The following CFAP299 variants were observed in gnomAD, a reference collection of about 807,000 sequenced individuals.
CFAP299 encodes cilia and flagella associated protein 299, also known as cilia- and flagella-associated protein 299.
CFAP299 carries 21 observed loss-of-function variants against 27.0 expected under a neutral mutation model. The ratio of observed to expected loss-of-function variants is 0.78; its 90% CI spans 0.55 to 1.12. The LOEUF (loss-of-function observed/expected upper bound fraction) is 1.12, where lower values mean the gene tolerates loss of function less well. Ranked by LOEUF, CFAP299 falls within the 50% of genes most tolerant of loss-of-function variation. The pLI is 0.00. For synonymous variants in CFAP299, 104 were observed against 98.1 expected, an observed-to-expected ratio of 1.06 and a Z score of -0.36; for missense variants, 310 against 276.6, an observed-to-expected ratio of 1.12 and a Z score of -0.86.
intron 3 of CFAP299, among the ~76,000 whole-genome samples, chr4:80,744,227 T>C (rs999920735): frequency 7.9e-5 from 12 of 152,140 alleles, no homozygotes; most frequent in Non-Finnish European, 1.6e-4. Context: ...ATAATGAACT[T>C]AACAGATGTG....
chr4:80,527,190 G>A (rs1733235682), intron 2 of CFAP299, among the ~76,000 whole-genome samples: 1 of 152,034 alleles, frequency 6.6e-6, no homozygotes, highest in Admixed American at 6.6e-5. Context: ...GTGCTCCTCA[G>A]TACCAAAACA....
chr4:80,843,006 G>A (rs1730947945), intron 3 of CFAP299, among the ~76,000 whole-genome samples: 1 of 151,752 alleles, frequency 6.6e-6, no homozygotes, highest in South Asian at 2.1e-4. Context: ...ATGAAGGGTT[G>A]GGGCAACATC....
intron 3 of CFAP299, among the ~76,000 whole-genome samples, chr4:80,653,353 T>C (rs1740403022): frequency 6.6e-6 from 1 of 152,104 alleles, no homozygotes; most frequent in Non-Finnish European, 1.5e-5. Flanking sequence ...ATCCCTCTGT[T>C]GTAGTTTAGG....
At chr4:80,351,995 A>T (rs1405125448) in intron 1 of CFAP299, among the ~76,000 whole-genome samples, 1 of 151,714 alleles carries the variant, frequency 6.6e-6, no homozygotes, top group East Asian at 1.9e-4. Flanking sequence ...AAGCATAAAG[A>T]AAAGGAGATT....
intron 3 of CFAP299, among the ~76,000 whole-genome samples, chr4:80,715,812 C>G (rs1408192348): frequency 1.3e-5 from 2 of 151,884 alleles, no homozygotes. Context: ...ATTATCACCA[C>G]CATTTTATTG....
chr4:80,440,576 G>T (rs1043176428), intron 2 of CFAP299, among the ~76,000 whole-genome samples: 6 of 152,030 alleles, frequency 3.9e-5, no homozygotes, highest in Non-Finnish European at 5.9e-5. Flanking sequence ...ATCAACAGAA[G>T]ATTTAAAAAA....
chr4:80,609,416 TAGA>T (rs1490502640), intron 3 of CFAP299, among the ~76,000 whole-genome samples: 2 of 152,072 alleles, frequency 1.3e-5, no homozygotes, highest in Admixed American at 6.6e-5. Context: ...AGCTATTTGG[TAGA>T]AGAAGGATAT....
chr4:80,654,784 CTTT>C (rs369680550), intron 3 of CFAP299, among the ~76,000 whole-genome samples: 8 of 126,790 alleles, frequency 6.3e-5, no homozygotes, highest in Admixed American at 8.1e-5. Flanking sequence ...TAATTTTTAA[CTTT>C]TTTTTTTTTT....
chr4:80,857,706 A>G (rs1394223659), intron 3 of CFAP299, among the ~76,000 whole-genome samples: 1 of 152,192 alleles, frequency 6.6e-6, no homozygotes, highest in Non-Finnish European at 1.5e-5. Context: ...GCTGGATTAC[A>G]TTTATTGATT....
At chr4:80,956,171 T>C (rs1478641648) in intron 5 of CFAP299, among the ~76,000 whole-genome samples, 9 of 152,192 alleles carry the variant, frequency 5.9e-5, no homozygotes, top group Non-Finnish European at 1.0e-4. Flanking sequence ...ATTTCTAAAA[T>C]GGAACCTGCT....
intron 2 of CFAP299, among the ~76,000 whole-genome samples, chr4:80,429,435 C>T (rs563436789): frequency 1.3e-5 from 2 of 152,106 alleles, no homozygotes; most frequent in Admixed American, 1.3e-4. Flanking sequence ...AAATGTTTCT[C>T]CTTTAACTTC....
rs182743682 is a variant in CFAP299, at chr4:80,725,060, T to C, written c.333+141877T>C. On this transcript the variant is annotated intron_variant, in intron 3 of 5. Transcript: ENST00000358105. ...CCCAGGTTCAGGCGATTGTCCTGCC[T>C]CAGCCTCCTGAGTAGCTGGGACTAC... 5.5e-3 allele frequency among the ~76,000 whole-genome samples: 832 copies of C among 150,494 alleles called. 8 individuals are homozygous for C. The highest frequency in any genetic ancestry group is 0.018 in the African/African-American group (727 of 40,922).
intron 4 of CFAP299, among the ~76,000 whole-genome samples, chr4:80,909,026 C>G (rs917591433): frequency 6.6e-6 from 1 of 152,146 alleles, no homozygotes; most frequent in Non-Finnish European, 1.5e-5. Flanking sequence ...TGGAAAGTCT[C>G]TAGCATAGGT....
At chr4:80,483,513 A>G (rs1035948415) in intron 2 of CFAP299, among the ~76,000 whole-genome samples, 1 of 152,174 alleles carries the variant, frequency 6.6e-6, no homozygotes, top group African/African-American at 2.4e-5. Context: ...CATTATAACC[A>G]TTATATCCAT....
intron 4 of CFAP299, among the ~76,000 whole-genome samples, chr4:80,931,493 A>G (rs1293792791): frequency 6.6e-6 from 1 of 152,120 alleles, no homozygotes; most frequent in African/African-American, 2.4e-5. Context: ...GGACCAGATC[A>G]CCAGTTCTGT....
At chr4:80,345,920 A>G (rs1422277847) in intron 1 of CFAP299, among the ~76,000 whole-genome samples, 2 of 152,072 alleles carry the variant, frequency 1.3e-5, no homozygotes, top group African/African-American at 4.8e-5. Flanking sequence ...ATTTCTCCAC[A>G]TCCTCTCCAG....
At chr4:80,337,331 G>A (rs1016588847) in intron 1 of CFAP299, among the ~76,000 whole-genome samples, 2 of 152,000 alleles carry the variant, frequency 1.3e-5, no homozygotes, top group Admixed American at 1.3e-4. Context: ...CTTCATGTGA[G>A]TATGGACCTA....
At chr4:80,819,973 T>A (rs578010773) in intron 3 of CFAP299, among the ~76,000 whole-genome samples, 2 of 152,256 alleles carry the variant, frequency 1.3e-5, no homozygotes, top group African/African-American at 4.8e-5. Flanking sequence ...TATGTTGTTG[T>A]TGTTGTTGTT....
At chr4:80,745,568 A>G (rs566111672) in intron 3 of CFAP299, among the ~76,000 whole-genome samples, 5 of 151,992 alleles carry the variant, frequency 3.3e-5, no homozygotes, top group Non-Finnish European at 7.4e-5. Context: ...GAAAAGGTGT[A>G]GATTTACAGA....
Sources: allele counts gnomAD v4.1 joint callset (sites outside exome capture counted in the v4.1 genomes callset), GRCh38; gene constraint gnomAD v4.1.1; transcripts MANE v1.5; gene names NCBI Gene and HGNC (gene_info 2026-07-23, HGNC 2026-07-21).